The following DLG2 variants were observed in gnomAD, a reference collection of about 807,000 sequenced individuals.
DLG2 encodes disks large homolog 2.
In DLG2, 45 loss-of-function variants were observed where a neutral mutation model predicts 132.5. That is an observed-to-expected ratio of 0.34 (90% CI 0.27 to 0.44). DLG2 has a LOEUF of 0.44. Ranked by LOEUF, DLG2 falls within the 20% of genes least tolerant of loss-of-function variation. DLG2 has a pLI of 1.00. For synonymous variants in DLG2, 424 were observed against 419.6 expected, an observed-to-expected ratio of 1.01 and a Z score of -0.13; for missense variants, 1,045 against 1,196.9, an observed-to-expected ratio of 0.87 and a Z score of 1.87.
At chr11:85,284,955 G>T (rs1193248513) in intron 4 of DLG2, among the ~76,000 whole-genome samples, 1 of 151,764 alleles carries the variant, frequency 6.6e-6, no homozygotes, top group African/African-American at 2.4e-5. Context: ...ACTCCAGAAT[G>T]CCTTAGACTT....
At chr11:84,422,854 A>C (rs1015847699) in intron 7 of DLG2, among the ~76,000 whole-genome samples, 1 of 152,194 alleles carries the variant, frequency 6.6e-6, no homozygotes, top group African/African-American at 2.4e-5. Context: ...ATCTTAGTAA[A>C]GCTAAAGGTA....
At chr11:83,651,853 C>T (rs746151060) in intron 18 of DLG2, 13 of 470,986 alleles carry the variant, frequency 2.8e-5, no homozygotes, top group Middle Eastern at 3.2e-4. Flanking sequence ...CTCAGAGCTA[C>T]GAAGGTCACA....
intron 10 of DLG2, among the ~76,000 whole-genome samples, chr11:84,069,709 G>T (rs1271922165): frequency 6.6e-6 from 1 of 152,116 alleles, no homozygotes; most frequent in Non-Finnish European, 1.5e-5. Context: ...CTGTCATCTG[G>T]GAAGCATCAC....
chr11:84,683,142 G>A (rs2099735014), intron 6 of DLG2, among the ~76,000 whole-genome samples: 1 of 152,314 alleles, frequency 6.6e-6, no homozygotes, highest in African/African-American at 2.4e-5. Flanking sequence ...CTGGAAGAAG[G>A]AAGATTTTGT....
intron 16 of DLG2, among the ~76,000 whole-genome samples, chr11:83,841,348 A>T (rs1303435127): frequency 6.6e-6 from 1 of 152,218 alleles, no homozygotes; most frequent in African/African-American, 2.4e-5. Context: ...CTCTGTTACT[A>T]ATCATTATTA....
chr11:84,369,375 G>A (rs1318799393), intron 7 of DLG2, among the ~76,000 whole-genome samples: 1 of 152,008 alleles, frequency 6.6e-6, no homozygotes, highest in Admixed American at 6.6e-5. Context: ...AACAAGAATG[G>A]GAAGAAAATG....
At chr11:84,857,095 TA>T (rs937593432) in intron 6 of DLG2, among the ~76,000 whole-genome samples, 2 of 150,448 alleles carry the variant, frequency 1.3e-5, no homozygotes, top group African/African-American at 4.9e-5. Context: ...AGATGCCAAA[TA>T]AAAATACCAA....
intron 18 of DLG2, among the ~76,000 whole-genome samples, chr11:83,785,765 A>G: frequency 6.6e-6 from 1 of 152,188 alleles, no homozygotes; most frequent in Non-Finnish European, 1.5e-5. Context: ...ATGCTAACAA[A>G]TCATCACTTG....
intron 5 of DLG2, among the ~76,000 whole-genome samples, chr11:85,133,612 T>C (rs969747090): frequency 6.6e-6 from 1 of 152,210 alleles, no homozygotes; most frequent in Non-Finnish European, 1.5e-5. Context: ...CCATGACATA[T>C]GCAAATACAC....
At chr11:85,267,689 C>T (rs1000767462) in intron 4 of DLG2, among the ~76,000 whole-genome samples, 1 of 151,956 alleles carries the variant, frequency 6.6e-6, no homozygotes, top group Non-Finnish European at 1.5e-5. Context: ...TAGACTTTAA[C>T]CCTTTAAAAG....
intron 7 of DLG2, among the ~76,000 whole-genome samples, chr11:84,324,586 G>T (rs1011413573): frequency 6.6e-6 from 1 of 151,906 alleles, no homozygotes; most frequent in Non-Finnish European, 1.5e-5. Flanking sequence ...ATACCATCGA[G>T]ATTTTGATAG....
At chr11:84,037,609 A>T (rs1480518260) in intron 11 of DLG2, among the ~76,000 whole-genome samples, 4 of 152,114 alleles carry the variant, frequency 2.6e-5, no homozygotes, top group African/African-American at 9.7e-5. Flanking sequence ...AGGAGAGAGA[A>T]AAGTCTTCAT....
intron 6 of DLG2, among the ~76,000 whole-genome samples, chr11:84,648,486 T>G (rs2099677500): frequency 6.6e-6 from 1 of 152,164 alleles, no homozygotes; most frequent in Non-Finnish European, 1.5e-5. Context: ...TTCATTTTTC[T>G]CTATTGTATC....
chr11:84,806,373 C>T (rs546786913), intron 6 of DLG2, among the ~76,000 whole-genome samples: 17 of 151,950 alleles, frequency 1.1e-4, no homozygotes, highest in Middle Eastern at 3.4e-3. Flanking sequence ...TCTGTGCAGG[C>T]AATGATACAT....
chr11:84,760,169 C>A (rs1597475530), intron 6 of DLG2, among the ~76,000 whole-genome samples: 1 of 152,200 alleles, frequency 6.6e-6, no homozygotes, highest in Non-Finnish European at 1.5e-5. Context: ...GTAGCCAACA[C>A]AGTCCACTCA....
intron 7 of DLG2, among the ~76,000 whole-genome samples, chr11:84,474,878 C>A (rs1304000614): frequency 6.6e-6 from 1 of 151,976 alleles, no homozygotes; most frequent in African/African-American, 2.4e-5. Context: ...AACTTCTAAC[C>A]AAACACTTGC....
At chr11:84,614,936 G>A (rs1366174104) in intron 6 of DLG2, among the ~76,000 whole-genome samples, 1 of 152,004 alleles carries the variant, frequency 6.6e-6, no homozygotes, top group Non-Finnish European at 1.5e-5. Context: ...GCCCTGCCAT[G>A]GTTCTTCATT....
intron 6 of DLG2, among the ~76,000 whole-genome samples, chr11:84,979,237 T>A (rs1291731612): frequency 6.6e-6 from 1 of 152,136 alleles, no homozygotes; most frequent in Non-Finnish European, 1.5e-5. Context: ...ACCATTGTGG[T>A]AGGCAGTGTG....
At chr11:83,660,070 T>C (rs2073852359) in intron 18 of DLG2, among the ~76,000 whole-genome samples, 3 of 152,174 alleles carry the variant, frequency 2.0e-5, no homozygotes, top group Non-Finnish European at 4.4e-5. Context: ...ACGAAAAGAT[T>C]GTTCTGGAGG....
Sources: allele counts gnomAD v4.1 joint callset (sites outside exome capture counted in the v4.1 genomes callset), GRCh38; gene constraint gnomAD v4.1.1; transcripts MANE v1.5; gene names NCBI Gene and HGNC (gene_info 2026-07-23, HGNC 2026-07-21).